Variants in MEIS1 observed in about 807,000 individuals in gnomAD.
The protein encoded by MEIS1 is Meis homeobox 1, also known as homeobox protein Meis1.
A neutral mutation model predicts 50.8 loss-of-function variants in MEIS1; 5 were observed. That is an observed-to-expected ratio of 0.10 (90% CI 0.05 to 0.21). The LOEUF (loss-of-function observed/expected upper bound fraction) is 0.21, where lower values mean the gene tolerates loss of function less well. Ranked by LOEUF, MEIS1 falls within the 10% of genes least tolerant of loss-of-function variation. MEIS1 has a pLI of 1.00. For synonymous variants in MEIS1, 176 were observed against 179.3 expected (o/e 0.98, Z 0.15); for missense variants, 318 against 517.3 (o/e 0.61, Z 3.74).
chr2:66,538,930 C>G (rs575502934), intron 8 of MEIS1, among the ~76,000 whole-genome samples: 45 of 152,250 alleles, frequency 3.0e-4, no homozygotes, highest in African/African-American at 1.1e-3. Context: ...CTCTGTCAAC[C>G]AGGCTGGAGT....
At chr2:66,514,315 G>A (rs1316797199) in intron 8 of MEIS1, among the ~76,000 whole-genome samples, 1 of 152,152 alleles carries the variant, frequency 6.6e-6, no homozygotes, top group East Asian at 1.9e-4. Context: ...CCCTTGCATA[G>A]AGCTACATTA....
intron 2 of MEIS1, 41 bp downstream of exon 2, chr2:66,438,004 C>T (rs1282645479): frequency 6.7e-7 from 1 of 1,493,854 alleles, no homozygotes; most frequent in African/African-American, 1.4e-5. Context: ...TGAGACTCAA[C>T]GCTTCCCTCT....
At chr2:66,490,032 A>AAG (rs1661126649) in intron 7 of MEIS1, among the ~76,000 whole-genome samples, 1 of 152,242 alleles carries the variant, frequency 6.6e-6, no homozygotes, top group Non-Finnish European at 1.5e-5. Flanking sequence ...GCATCCCTTG[A>AAG]AGTTCAATAA....
At position 66,545,892 on chromosome 2, in the gene MEIS1, T is replaced by C. The variant is rs139413629; in HGVS notation, c.889-2051T>C. 7.4e-3 allele frequency among the ~76,000 whole-genome samples: 1,127 copies of C among 152,334 alleles called. 9 individuals carry two copies. Among genetic ancestry groups the C allele is most frequent in the Non-Finnish European group, 0.014 (933 of 68,022 alleles). On this transcript the variant is annotated intron_variant, in intron 8 of 12. Coordinates refer to ENST00000272369, the MANE Select transcript of MEIS1 (RefSeq NM_002398.3). ...GAAGCAAAGAAAGTAGTGTCATGGA[T>C]CTTAAATTGGATTGTTTCTGCTTTG... is the stretch of plus-strand genomic sequence containing the variant.
intron 7 of MEIS1, among the ~76,000 whole-genome samples, chr2:66,469,437 G>C (rs202063222): frequency 6.6e-6 from 1 of 152,166 alleles, no homozygotes; most frequent in African/African-American, 2.4e-5. Context: ...CGGCCTGAGA[G>C]GGGGTGGGGA....
At chr2:66,484,142 G>A (rs1043421398) in intron 7 of MEIS1, among the ~76,000 whole-genome samples, 44 of 152,066 alleles carry the variant, frequency 2.9e-4, no homozygotes, top group African/African-American at 9.4e-4. Flanking sequence ...TATTAATTGC[G>A]ACTAGAAAAG....
intron 8 of MEIS1, among the ~76,000 whole-genome samples, chr2:66,531,932 T>TAA (rs1027255189): frequency 6.8e-6 from 1 of 146,010 alleles, no homozygotes; most frequent in East Asian, 2.0e-4. Flanking sequence ...GGCTCTCAGT[T>TAA]AAAAAAAAAA....
chr2:66,502,625 G>T, intron 7 of MEIS1, among the ~76,000 whole-genome samples: 1 of 152,312 alleles, frequency 6.6e-6, no homozygotes, highest in East Asian at 1.9e-4. Context: ...AAGAGGGTCA[G>T]TTCAGAGCAG....
In MEIS1 at chr2:66,435,520, T is replaced by C; in HGVS notation, c.-337T>C. On this transcript the variant is annotated 5_prime_UTR_variant, in exon 1 of 13. It removes the in-frame stop codon of an upstream open reading frame in the 5' UTR. Coordinates refer to ENST00000272369, the MANE Select transcript of MEIS1 (RefSeq NM_002398.3). ...AGCCATGAGATTTGGTAGTTGGGTC[T>C]GAGGGGCGCTCTTTTTTTTCCTTTT... 2.6e-6 allele frequency: 1 copy of C among 385,314 alleles called. No homozygotes were observed. The highest frequency in any genetic ancestry group is 4.5e-6 in the Non-Finnish European group (1 of 220,686). The allele number at this position is 385,314 out of a possible 1,614,324, so 23.9% of individuals were successfully genotyped here.
At chr2:66,477,939 G>A (rs751194067) in intron 7 of MEIS1, among the ~76,000 whole-genome samples, 10 of 152,152 alleles carry the variant, frequency 6.6e-5, no homozygotes, top group South Asian at 2.1e-4. Flanking sequence ...CTCTGGTTAC[G>A]TTGACTTTTT....
At chr2:66,438,847 A>G (rs562311409) in intron 2 of MEIS1, among the ~76,000 whole-genome samples, 15 of 152,176 alleles carry the variant, frequency 9.9e-5, no homozygotes, top group Non-Finnish European at 2.2e-4. Context: ...AAAAATATAT[A>G]TAATCTTTTT....
intron 7 of MEIS1, among the ~76,000 whole-genome samples, chr2:66,490,628 A>C (rs564336480): frequency 1.3e-5 from 2 of 152,124 alleles, no homozygotes; most frequent in Admixed American, 6.5e-5. Flanking sequence ...CAAGCCATGC[A>C]TAGGTTTTTT....
At chr2:66,485,717 C>G (rs1673125233) in intron 7 of MEIS1, among the ~76,000 whole-genome samples, 1 of 152,230 alleles carries the variant, frequency 6.6e-6, no homozygotes. Context: ...GTCCTACCAA[C>G]AGTGTAAAAT....
At chr2:66,481,265 C>G (rs1673009061) in intron 7 of MEIS1, among the ~76,000 whole-genome samples, 1 of 152,218 alleles carries the variant, frequency 6.6e-6, no homozygotes, top group African/African-American at 2.4e-5. Context: ...GCTCTCTATT[C>G]TGGTGCTAGG....
In MEIS1 at chr2:66,435,919, C is replaced by A. The variant is rs368747831; in HGVS notation, c.12+51C>A. The A allele has an allele frequency of 1.3e-5, 20 of 1,516,040 alleles. No homozygotes were observed. The South Asian group carries it at 2.2e-4, about 17-fold the overall frequency. The allele number at this position is 1,516,040 out of a possible 1,614,324, so 93.9% of individuals were successfully genotyped here. On this transcript the variant is annotated intron_variant, in intron 1 of 12. Coordinates refer to ENST00000272369, the MANE Select transcript of MEIS1 (RefSeq NM_002398.3). The stretch of plus-strand genomic sequence containing the variant: ...ACTCAAATGTGAGATTAAATTGAAA[C>A]GTGGCCGAAAGACACTGCTAAAAAG...
chr2:66,498,026 A>G (rs1673452018), intron 7 of MEIS1, among the ~76,000 whole-genome samples: 2 of 150,896 alleles, frequency 1.3e-5, no homozygotes, highest in Non-Finnish European at 3.0e-5. Context: ...TAGAAAAAAA[A>G]TGGTATGCCA....
Position 66,568,751 on chromosome 2 carries a change from C to G in MEIS1, c.1109C>G (p.Ala370Gly). 6.2e-7 allele frequency: 1 copy of G among 1,613,374 alleles called. No individual in the cohort carries two copies. The highest frequency in any genetic ancestry group is 8.5e-7 in the Non-Finnish European group (1 of 1,179,346). Residue 370 changes from alanine to glycine, a missense_variant, in exon 11 of 13, where the codon GCA (alanine) becomes GGA (glycine). By Grantham distance (60) the Ala-to-Gly change is moderately conservative. This residue lies in a region of MEIS1 where 54 missense variants were observed against 75.0 expected (regional missense o/e 0.72). Coordinates refer to ENST00000272369, the MANE Select transcript of MEIS1 (RefSeq NM_002398.3). ...GGTCAGCAACATATGGGAATTAGAG[C>G]ACCAGGTAAGACTTTGTTTTTGTGG... is the stretch of plus-strand genomic sequence containing the variant. ...MDGQQHMGIRAPGPMSGMGMN... is the reference protein window; with the variant it reads ...MDGQQHMGIRGPGPMSGMGMN...
At chr2:66,532,081 G>T (rs935772916) in intron 8 of MEIS1, among the ~76,000 whole-genome samples, 4 of 152,074 alleles carry the variant, frequency 2.6e-5, no homozygotes, top group Non-Finnish European at 5.9e-5. Flanking sequence ...GTTCTGAGGT[G>T]GAGTGTCTTC....
chr2:66,452,062 T>G (rs1268292489), intron 6 of MEIS1, among the ~76,000 whole-genome samples: 1 of 151,944 alleles, frequency 6.6e-6, no homozygotes, highest in Admixed American at 6.6e-5. Context: ...AGATGCTATT[T>G]GCTATTATGC....
Sources: allele counts gnomAD v4.1 joint callset (sites outside exome capture counted in the v4.1 genomes callset), GRCh38; gene constraint gnomAD v4.1.1; regional missense constraint gnomAD v4.1.1; transcripts MANE v1.5; gene names NCBI Gene and HGNC (gene_info 2026-07-23, HGNC 2026-07-21).